The following TRIM2 variants were observed in gnomAD, a reference collection of about 807,000 sequenced individuals.
The protein encoded by TRIM2 is tripartite motif containing 2.
TRIM2 carries 20 observed loss-of-function variants against 75.2 expected under a neutral mutation model. That is an observed-to-expected ratio of 0.27 (90% CI 0.19 to 0.39). The LOEUF is 0.39. Ranked by LOEUF, TRIM2 falls within the 10% of genes least tolerant of loss-of-function variation. TRIM2 has a pLI of 1.00. For synonymous variants in TRIM2, 373 were observed against 388.3 expected (o/e 0.96, Z 0.46); for missense variants, 660 against 990.8 (o/e 0.67, Z 4.48).
intron 1 of TRIM2, among the ~76,000 whole-genome samples, chr4:153,179,231 T>A (rs1046243427): frequency 1.3e-5 from 2 of 151,244 alleles, no homozygotes; most frequent in Non-Finnish European, 2.9e-5. Context: ...ATTTTATTTT[T>A]AAAATAAATA....
In TRIM2 at chr4:153,270,219, C is replaced by T. The variant is rs1418639943; in HGVS notation, c.31-116C>T. 3.1e-6 allele frequency: 4 copies of T among 1,275,258 alleles called. No individual in the cohort carries two copies. The African/African-American group carries it at 6.0e-5, about 19-fold the overall frequency. The allele number at this position is 1,275,258 out of a possible 1,614,324, so 79.0% of individuals were successfully genotyped here. A position where few individuals can be genotyped will look rare whatever the true frequency, so the allele number is the denominator to read the frequency against. On this transcript the variant is annotated intron_variant, in intron 1 of 11. Coordinates refer to ENST00000338700, the MANE Select transcript of TRIM2 (RefSeq NM_015271.5). The stretch of plus-strand genomic sequence containing the variant: ...CTGGGATTACAGGCATGAGCCACCA[C>T]ACCTGGCCGACTTCTACCTTTACTT...
At chr4:153,201,358 T>C (rs1296712985), upstream of TRIM2, among the ~76,000 whole-genome samples, 1 of 152,192 alleles carries the variant, frequency 6.6e-6, no homozygotes, top group Non-Finnish European at 1.5e-5. Flanking sequence ...TAGAGAAATA[T>C]CTATTTAAGA....
At chr4:153,184,014 A>G (rs1450164846) in intron 1 of TRIM2, among the ~76,000 whole-genome samples, 1 of 152,148 alleles carries the variant, frequency 6.6e-6, no homozygotes, top group East Asian at 1.9e-4. Flanking sequence ...ATGTAGCACT[A>G]CCCAAGAATG....
chr4:153,328,688 T>C lies in TRIM2; in HGVS notation c.2163+18T>C. ...GGATCCAGGTAGATCAATGTGCTAA[T>C]GTATATGGTTAGAGTGTTTGGTATT... On this transcript the variant is annotated intron_variant, in intron 11 of 11. Coordinates refer to ENST00000338700, the MANE Select transcript of TRIM2 (RefSeq NM_015271.5). 6.3e-7 allele frequency: 1 copy of C among 1,592,832 alleles called. No individual in the cohort carries two copies.
In TRIM2 at chr4:153,338,214, T is replaced by C; in HGVS notation, c.*3248T>C. On this transcript the variant is annotated 3_prime_UTR_variant, in exon 12 of 12. Transcript: ENST00000338700. Reference sequence around the variant, plus strand: ...ACACTAGCAAGTATCTGTGAATCCTTAGCACTGACGGGTTAACAGAAATGC... The same window carrying C: ...ACACTAGCAAGTATCTGTGAATCCTCAGCACTGACGGGTTAACAGAAATGC... 1.0e-6 allele frequency: 1 copy of C among 985,872 alleles called. No individual in the cohort carries two copies. The highest frequency in any genetic ancestry group is 1.2e-6 in the Non-Finnish European group (1 of 829,932). 61.1% of individuals were successfully genotyped at this position (985,872 alleles called of 1,614,324 possible).
At position 153,219,034 on chromosome 4, in the gene TRIM2, A is replaced by G. The variant is rs117063159; in HGVS notation, c.30+14474A>G. ...CTTTGGATTATAGTTAATTGTGTTT[A>G]TCTTAACCATAGCACCCATTAGTCA... On this transcript the variant is annotated intron_variant, in intron 1 of 11. Coordinates refer to ENST00000338700, the MANE Select transcript of TRIM2 (RefSeq NM_015271.5). Among the ~76,000 whole-genome samples the G allele has an allele frequency of 3.5e-4, 54 of 152,198 alleles. 1 individual carries two copies. The East Asian group carries it at 9.4e-3, about 27-fold the overall frequency.
chr4:153,288,764 T>TA (rs986076708), intron 3 of TRIM2, among the ~76,000 whole-genome samples: 6 of 151,924 alleles, frequency 3.9e-5, no homozygotes, highest in African/African-American at 1.4e-4. Context: ...TAGGTTTTGT[T>TA]ACTTTTTCTT....
At chr4:153,210,918 C>G (rs1217350883) in intron 1 of TRIM2, among the ~76,000 whole-genome samples, 1 of 152,148 alleles carries the variant, frequency 6.6e-6, no homozygotes, top group Non-Finnish European at 1.5e-5. Flanking sequence ...AAAAAGCAGC[C>G]CTCTTCCCAC....
At position 153,267,858 on chromosome 4, in the gene TRIM2, T is replaced by C. The variant is rs144062700; in HGVS notation, c.31-2477T>C. 5.6e-3 allele frequency among the ~76,000 whole-genome samples: 859 copies of C among 152,280 alleles called. 9 individuals are homozygous for C. The highest frequency in any genetic ancestry group is 0.031 in the Middle Eastern group (9 of 294). On this transcript the variant is annotated intron_variant, in intron 1 of 11. Coordinates refer to ENST00000338700, the MANE Select transcript of TRIM2 (RefSeq NM_015271.5). The stretch of plus-strand genomic sequence containing the variant: ...TCGCCTGCTGCCTAGATAGAGCCAA[T>C]TTATCAAGACAGGGGATTGCAATGG...
intron 6 of TRIM2, among the ~76,000 whole-genome samples, chr4:153,311,002 A>G (rs1766165578): frequency 6.6e-6 from 1 of 152,194 alleles, no homozygotes; most frequent in Non-Finnish European, 1.5e-5. Flanking sequence ...GTCTTTTGCA[A>G]CACAGTCCAT....
chr4:153,251,897 C>T (rs1750962612), intron 1 of TRIM2, among the ~76,000 whole-genome samples: 1 of 151,354 alleles, frequency 6.6e-6, no homozygotes, highest in East Asian at 1.9e-4. Context: ...GGGAGGATTG[C>T]TTGAGCCCAG....
At position 153,257,404 on chromosome 4, in the gene TRIM2, A is replaced by G; in HGVS notation, c.31-12931A>G. On this transcript the variant is annotated intron_variant, in intron 1 of 11. Coordinates refer to ENST00000338700, the MANE Select transcript of TRIM2 (RefSeq NM_015271.5). Reference sequence around the variant, plus strand: ...CTTTTCAACAGACGCTCAGTGAGAAAAAGATGTCCTGTAAGATCAAGACCG... The same window carrying G: ...CTTTTCAACAGACGCTCAGTGAGAAGAAGATGTCCTGTAAGATCAAGACCG... 4 of 1,136,854 alleles carry G rather than the reference A, an allele frequency of 3.5e-6. No individual in the cohort carries two copies. In the South Asian group the frequency reaches 8.0e-5, roughly 23 times the overall value. 70.4% of individuals were successfully genotyped at this position (1,136,854 alleles called of 1,614,324 possible). A position where few individuals can be genotyped will look rare whatever the true frequency, so the allele number is the denominator to read the frequency against.
At chr4:153,332,532 C>T (rs953199668) in intron 11 of TRIM2, among the ~76,000 whole-genome samples, 5 of 152,070 alleles carry the variant, frequency 3.3e-5, no homozygotes, top group African/African-American at 1.2e-4. Context: ...GTAATCCCAG[C>T]TACTTGGGAG....
upstream of TRIM2, among the ~76,000 whole-genome samples, chr4:153,201,120 C>T (rs558447051): frequency 6.6e-6 from 1 of 152,212 alleles, no homozygotes; most frequent in East Asian, 1.9e-4. Context: ...TGCACCACCA[C>T]GCCTGGCTAA....
At chr4:153,171,907 G>A (rs1301909295) in intron 1 of TRIM2, among the ~76,000 whole-genome samples, 1 of 140,190 alleles carries the variant, frequency 7.1e-6, no homozygotes, top group Non-Finnish European at 1.5e-5. Flanking sequence ...ATGTCACTAT[G>A]GATAACTAAC....
intron 1 of TRIM2, among the ~76,000 whole-genome samples, chr4:153,153,996 A>G (rs2149582309): frequency 6.6e-6 from 1 of 152,144 alleles, no homozygotes; most frequent in Non-Finnish European, 1.5e-5. Flanking sequence ...TCCTTACTAT[A>G]GATTGCTAAA....
intron 1 of TRIM2, among the ~76,000 whole-genome samples, chr4:153,158,460 G>C: frequency 6.6e-6 from 1 of 152,148 alleles, no homozygotes; most frequent in Non-Finnish European, 1.5e-5. Context: ...AAGGTATAGT[G>C]ATATGTAATG....
At chr4:153,250,204 C>A (rs893549586) in intron 1 of TRIM2, among the ~76,000 whole-genome samples, 24 of 152,064 alleles carry the variant, frequency 1.6e-4, no homozygotes, top group Admixed American at 5.9e-4. Flanking sequence ...ACTACAACCT[C>A]AGCTTCTTGG....
chr4:153,324,961 A>G (rs138183454), intron 10 of TRIM2, among the ~76,000 whole-genome samples: 1 of 152,352 alleles, frequency 6.6e-6, no homozygotes, highest in African/African-American at 2.4e-5. Flanking sequence ...TTTCTTTTAA[A>G]TACATTAATC....
Sources: gnomAD v4.1 joint callset for allele counts (sites outside exome capture counted in the v4.1 genomes callset) on GRCh38, gnomAD v4.1.1 for gene constraint, MANE v1.5 for transcripts, NCBI Gene and HGNC (gene_info 2026-07-23, HGNC 2026-07-21) for gene names.